Variants in SHISA9 observed in about 807,000 individuals in gnomAD.
The protein encoded by SHISA9 is protein shisa-9.
Under a neutral mutation model 38.0 loss-of-function variants are expected in SHISA9, and 13 were observed. The observed-to-expected ratio is 0.34, with a 90% CI of 0.22 to 0.54. SHISA9 has a LOEUF of 0.54. Ranked by LOEUF, SHISA9 falls within the 20% of genes least tolerant of loss-of-function variation. The probability of loss-of-function intolerance (pLI) is 0.91; values close to 1 mark genes in which losing one functional copy is unlikely to be tolerated. For synonymous variants in SHISA9, 275 were observed against 242.0 expected (o/e 1.14, Z -1.27); for missense variants, 538 against 575.8 (o/e 0.93, Z 0.67).
At chr16:13,306,011 A>G in the SHISA9 span, among the ~76,000 whole-genome samples, 1 of 152,226 alleles carries the variant, frequency 6.6e-6, no homozygotes, top group African/African-American at 2.4e-5. Context: ...AAAGATAATC[A>G]CTTAAAGTGA....
chr16:13,120,161 G>C (rs970366235), intron 2 of SHISA9, among the ~76,000 whole-genome samples: 5 of 152,080 alleles, frequency 3.3e-5, no homozygotes, highest in Non-Finnish European at 7.4e-5. Context: ...AAGAAGGAAG[G>C]GTGCAGATAT....
the SHISA9 span, among the ~76,000 whole-genome samples, chr16:13,354,712 G>T: frequency 6.6e-6 from 1 of 151,944 alleles, no homozygotes; most frequent in Non-Finnish European, 1.5e-5. Flanking sequence ...GGACAGAAAG[G>T]CTACAGGGTG....
chr16:13,348,500 G>A, the SHISA9 span, among the ~76,000 whole-genome samples: 1 of 151,870 alleles, frequency 6.6e-6, no homozygotes, highest in African/African-American at 2.4e-5. Flanking sequence ...AGGTACCCTG[G>A]TTGAGTAATT....
chr16:13,019,343 T>C (rs1362265190), intron 2 of SHISA9, among the ~76,000 whole-genome samples: 2 of 152,122 alleles, frequency 1.3e-5, no homozygotes, highest in Non-Finnish European at 2.9e-5. Context: ...AAGTCCAAGA[T>C]CAAGGTTCCG....
chr16:13,510,889 G>A, the SHISA9 span, among the ~76,000 whole-genome samples: 3 of 152,098 alleles, frequency 2.0e-5, no homozygotes, highest in Non-Finnish European at 4.4e-5. Flanking sequence ...AACCACTGTA[G>A]TAGAAACTGT....
At chr16:13,415,202 T>G in the SHISA9 span, among the ~76,000 whole-genome samples, 8 of 152,264 alleles carry the variant, frequency 5.3e-5, no homozygotes, top group Middle Eastern at 3.4e-3. Context: ...TAAACTTGAT[T>G]TAACACTGGA....
the SHISA9 span, among the ~76,000 whole-genome samples, chr16:13,259,410 T>C: frequency 6.6e-6 from 1 of 152,172 alleles, no homozygotes; most frequent in Non-Finnish European, 1.5e-5. Context: ...TGTCAGTGGA[T>C]CTACTATTCT....
chr16:13,321,054 A>G, the SHISA9 span, among the ~76,000 whole-genome samples: 29 of 152,256 alleles, frequency 1.9e-4, no homozygotes, highest in African/African-American at 6.3e-4. Flanking sequence ...GACTTTATCT[A>G]AATTTTAATA....
chr16:13,357,515 A>G, the SHISA9 span, among the ~76,000 whole-genome samples: 1 of 152,204 alleles, frequency 6.6e-6, no homozygotes, highest in Non-Finnish European at 1.5e-5. Context: ...AGCAAAGAGC[A>G]GGAGGACAGG....
the SHISA9 span, among the ~76,000 whole-genome samples, chr16:13,255,804 C>T: frequency 3.3e-5 from 5 of 152,204 alleles, no homozygotes; most frequent in African/African-American, 7.2e-5. Context: ...GAAGACATGA[C>T]TCCAGTCTAT....
the SHISA9 span, among the ~76,000 whole-genome samples, chr16:13,535,947 G>A: frequency 3.5e-3 from 528 of 151,694 alleles, 1 homozygote; most frequent in African/African-American, 0.012. Context: ...CCTTTGTACT[G>A]TTCGTCCAAT....
At chr16:13,386,311 T>A in the SHISA9 span, among the ~76,000 whole-genome samples, 2 of 152,214 alleles carry the variant, frequency 1.3e-5, no homozygotes, top group Non-Finnish European at 2.9e-5. Context: ...GAAATCCCAA[T>A]GGTTTCCATC....
At chr16:13,248,524 G>T in the SHISA9 span, among the ~76,000 whole-genome samples, 1 of 152,110 alleles carries the variant, frequency 6.6e-6, no homozygotes, top group Non-Finnish European at 1.5e-5. Flanking sequence ...GTGACCTTGG[G>T]GAAGCTACTG....
intron 2 of SHISA9, among the ~76,000 whole-genome samples, chr16:12,968,702 G>T (rs1224782870): frequency 6.6e-6 from 1 of 152,174 alleles, no homozygotes; most frequent in South Asian, 2.1e-4. Flanking sequence ...TCTGGAAAAG[G>T]TCATCTGCAA....
At chr16:13,024,450 C>A (rs1347042333) in intron 2 of SHISA9, among the ~76,000 whole-genome samples, 1 of 152,220 alleles carries the variant, frequency 6.6e-6, no homozygotes, top group East Asian at 1.9e-4. Flanking sequence ...GGTTCAGATG[C>A]AACACCCTTT....
the SHISA9 span, among the ~76,000 whole-genome samples, chr16:13,247,592 TA>T: frequency 1.2e-4 from 19 of 152,124 alleles, no homozygotes; most frequent in African/African-American, 4.3e-4. Flanking sequence ...AATAAATAAA[TA>T]AATAAAAATA....
intron 2 of SHISA9, among the ~76,000 whole-genome samples, chr16:13,047,697 G>A (rs570474454): frequency 2.6e-5 from 4 of 152,232 alleles, no homozygotes; most frequent in South Asian, 2.1e-4. Flanking sequence ...AGTACCTCCC[G>A]TGTGCCAGGA....
chr16:12,988,772 G>T (rs1163293713), intron 2 of SHISA9, among the ~76,000 whole-genome samples: 1 of 152,064 alleles, frequency 6.6e-6, no homozygotes, highest in Non-Finnish European at 1.5e-5. Flanking sequence ...TGATCCACCT[G>T]CCTTGGCCTC....
At chr16:13,077,205 T>C (rs758713830) in intron 2 of SHISA9, among the ~76,000 whole-genome samples, 1 of 152,000 alleles carries the variant, frequency 6.6e-6, no homozygotes, top group Non-Finnish European at 1.5e-5. Flanking sequence ...TATCTCTGTC[T>C]CCTCTGTTTC....
Sources: allele counts gnomAD v4.1 joint callset (sites outside exome capture counted in the v4.1 genomes callset), GRCh38; gene constraint gnomAD v4.1.1; transcripts MANE v1.5; gene names NCBI Gene and HGNC (gene_info 2026-07-23, HGNC 2026-07-21).